SENP7: variants seen among roughly 807,000 people sequenced by gnomAD.
SENP7 encodes the protein SUMO specific peptidase 7.
A neutral mutation model predicts 141.2 loss-of-function variants in SENP7; 64 were observed. That is an observed-to-expected ratio of 0.45 (90% CI 0.37 to 0.56). The LOEUF (loss-of-function observed/expected upper bound fraction) is 0.56, where lower values mean the gene tolerates loss of function less well. SENP7 is among the 20% of genes least tolerant of loss of function. SENP7 has a pLI of 0.00. For missense variants in SENP7, 1,025 were observed against 1,212.2 expected, an observed-to-expected ratio of 0.85 and a Z score of 2.29; for synonymous variants, 382 against 426.4, an observed-to-expected ratio of 0.90 and a Z score of 1.28.
intron 4 of SENP7, among the ~76,000 whole-genome samples, chr3:101,423,934 C>T (rs1282114457): frequency 6.6e-6 from 1 of 152,198 alleles, no homozygotes; most frequent in African/African-American, 2.4e-5. Context: ...AGGGGCAGCA[C>T]ACCAGCTGAT....
intron 1 of SENP7, among the ~76,000 whole-genome samples, chr3:101,507,711 T>C (rs2065679136): frequency 6.6e-6 from 1 of 152,092 alleles, no homozygotes; most frequent in Admixed American, 6.6e-5. Context: ...CCTATTAATA[T>C]TCTAACTTTA....
chr3:101,480,870 A>G (rs1187751979), intron 3 of SENP7, among the ~76,000 whole-genome samples: 2 of 152,132 alleles, frequency 1.3e-5, no homozygotes, highest in Non-Finnish European at 2.9e-5. Context: ...GTACATGAAA[A>G]AATGCTCAAC....
At chr3:101,439,315 G>C (rs1239375173) in intron 4 of SENP7, among the ~76,000 whole-genome samples, 2 of 89,504 alleles carry the variant, frequency 2.2e-5, no homozygotes, top group Non-Finnish European at 4.7e-5. Flanking sequence ...CGTCTGAGAA[G>C]TGAGGAGCCT....
intron 10 of SENP7, among the ~76,000 whole-genome samples, chr3:101,364,179 A>G (rs1269109483): frequency 6.6e-6 from 1 of 151,988 alleles, no homozygotes. Context: ...GTGAGCCATG[A>G]TCATGTCACT....
rs778943035 is a variant in SENP7, at chr3:101,347,926, C to A, written c.1783G>T (p.Asp595Tyr). Residue 595 changes from aspartate to tyrosine, a missense_variant, in exon 13 of 24, where the codon GAT becomes TAT. Asp to Tyr is a radical substitution (Grantham distance 160, BLOSUM62 -3). Around this residue, in one of 4 missense-constraint regions of SENP7, gnomAD observed 228 missense variants for 228.5 expected, o/e 1.00. Coordinates refer to ENST00000394095, the MANE Select transcript of SENP7 (RefSeq NM_020654.5). ...TGGGTCTGAATCTCTTGAAGATAAT[C>A]TGAAGAGACCCAGAAGAAAAGAATA... Reference protein sequence around the residue: ...HAILFFWVSSDYLQEIQTQLE... With the variant: ...HAILFFWVSSYYLQEIQTQLE... 1 of 1,606,912 alleles carries A rather than the reference C, an allele frequency of 6.2e-7. No individual in the cohort carries two copies. The highest frequency in any genetic ancestry group is 1.7e-5 in the Admixed American group (1 of 59,700).
chr3:101,483,659 G>A (rs1365663418), intron 3 of SENP7, among the ~76,000 whole-genome samples: 3 of 152,164 alleles, frequency 2.0e-5, no homozygotes, highest in African/African-American at 7.2e-5. Context: ...AACAAACTGT[G>A]CTAGAGCAAC....
intron 3 of SENP7, among the ~76,000 whole-genome samples, chr3:101,491,652 T>C (rs2064971080): frequency 6.6e-6 from 1 of 152,240 alleles, no homozygotes; most frequent in African/African-American, 2.4e-5. Context: ...GTCTCCTTTA[T>C]TGTTTCCCTT....
chr3:101,458,227 A>G (rs1451649120), intron 4 of SENP7, among the ~76,000 whole-genome samples: 1 of 152,240 alleles, frequency 6.6e-6, no homozygotes, highest in Non-Finnish European at 1.5e-5. Flanking sequence ...AGGGAGAATT[A>G]GACTAAGTAG....
intron 4 of SENP7, among the ~76,000 whole-genome samples, chr3:101,454,368 C>T (rs1200077861): frequency 6.6e-6 from 1 of 151,854 alleles, no homozygotes; most frequent in Non-Finnish European, 1.5e-5. Flanking sequence ...AATAATTGGC[C>T]AAGCATGGTG....
intron 1 of SENP7, among the ~76,000 whole-genome samples, chr3:101,506,083 C>T (rs1388085753): frequency 6.8e-6 from 1 of 146,904 alleles, no homozygotes; most frequent in South Asian, 2.1e-4. Context: ...TGCAGTGGCA[C>T]GATCTCGGCT....
chr3:101,478,653 A>G (rs1466546126), intron 3 of SENP7, among the ~76,000 whole-genome samples: 1 of 152,204 alleles, frequency 6.6e-6, no homozygotes, highest in East Asian at 1.9e-4. Context: ...AAACTATTCC[A>G]AACAATAGAA....
chr3:101,426,395 C>G (rs2061958139), intron 4 of SENP7, among the ~76,000 whole-genome samples: 1 of 152,086 alleles, frequency 6.6e-6, no homozygotes, highest in African/African-American at 2.4e-5. Flanking sequence ...GATTGAGGAA[C>G]AGTATTCAAT....
intron 4 of SENP7, among the ~76,000 whole-genome samples, chr3:101,428,057 T>C (rs963994334): frequency 1.3e-5 from 2 of 152,342 alleles, no homozygotes; most frequent in African/African-American, 2.4e-5. Context: ...TAGTATTCCA[T>C]GGTGTATATG....
intron 19 of SENP7, among the ~76,000 whole-genome samples, chr3:101,330,588 A>G (rs970910924): frequency 6.6e-6 from 1 of 152,222 alleles, no homozygotes; most frequent in African/African-American, 2.4e-5. Context: ...TTATCAAATA[A>G]CAGGTAAACC....
At chr3:101,513,212 GGAAAAAAAAA>G (rs2065942083), upstream of SENP7, 128 of 135,988 alleles carry the variant, frequency 9.4e-4, 1 homozygote, top group Middle Eastern at 5.1e-3. Context: ...GGAGGGGAAA[GGAAAAAAAAA>G]AAAAAAAAAA....
At chr3:101,492,113 T>C (rs2064991668) in intron 3 of SENP7, among the ~76,000 whole-genome samples, 2 of 149,632 alleles carry the variant, frequency 1.3e-5, no homozygotes, top group Admixed American at 1.3e-4. Flanking sequence ...AAATGGTTAA[T>C]AGAGCCAAGT....
intron 2 of SENP7, among the ~76,000 whole-genome samples, chr3:101,495,081 G>GA (rs147463800): frequency 2.7e-4 from 41 of 151,862 alleles, no homozygotes; most frequent in African/African-American, 9.4e-4. Flanking sequence ...AAATTTATAA[G>GA]AAAAAAAATT....
At chr3:101,509,954 T>C (rs1015267898) in intron 1 of SENP7, among the ~76,000 whole-genome samples, 3 of 151,496 alleles carry the variant, frequency 2.0e-5, no homozygotes, top group South Asian at 2.1e-4. Context: ...CAATGTCTAG[T>C]GCCTAAGTAC....
At position 101,324,795 on chromosome 3, in the gene SENP7, T is replaced by C. The variant is rs1181186207; in HGVS notation, c.*1148A>G. ...AAAACATTTTTCTTATCTGAGAAAATACAATATAATCATATCTCCCTCAAA... is the reference window on the plus strand; with the variant it reads ...AAAACATTTTTCTTATCTGAGAAAACACAATATAATCATATCTCCCTCAAA... On this transcript the variant is annotated 3_prime_UTR_variant, in exon 24 of 24. Coordinates refer to ENST00000394095, the MANE Select transcript of SENP7 (RefSeq NM_020654.5). The C allele has an allele frequency of 6.6e-6, 1 of 151,976 alleles. No homozygotes were observed. The highest frequency in any genetic ancestry group is 1.5e-5 in the Non-Finnish European group (1 of 67,948). The allele number at this position is 151,976 out of a possible 1,614,324, so 9.4% of individuals were successfully genotyped here. A position where few individuals can be genotyped will look rare whatever the true frequency, so the allele number is the denominator to read the frequency against.
Sources: gnomAD v4.1 joint callset for allele counts (sites outside exome capture counted in the v4.1 genomes callset) on GRCh38, gnomAD v4.1.1 for gene constraint, gnomAD v4.1.1 regional missense constraint, MANE v1.5 for transcripts, NCBI Gene and HGNC (gene_info 2026-07-23, HGNC 2026-07-21) for gene names.